Variants in ATIC observed in about 807,000 individuals in gnomAD.
ATIC encodes the protein bifunctional purine biosynthesis protein ATIC.
ATIC carries 64 observed loss-of-function variants against 72.5 expected under a neutral mutation model. That is an observed-to-expected ratio of 0.88 (90% CI 0.72 to 1.09). The LOEUF is 1.09. ATIC is among the 50% of genes least tolerant of loss of function. The pLI is 0.00. For synonymous variants in ATIC, 281 were observed against 267.1 expected, an observed-to-expected ratio of 1.05 and a Z score of -0.51; for missense variants, 787 against 732.4, an observed-to-expected ratio of 1.07 and a Z score of -0.86.
chr2:215,330,901 T>G (rs760490627), intron 7 of ATIC, among the ~76,000 whole-genome samples: 7 of 152,154 alleles, frequency 4.6e-5, no homozygotes, highest in Non-Finnish European at 1.0e-4. Flanking sequence ...TCATACAGTA[T>G]GGAGCCCTTT....
At chr2:215,351,472 T>C (rs1575128638), downstream of ATIC, among the ~76,000 whole-genome samples, 1 of 152,162 alleles carries the variant, frequency 6.6e-6, no homozygotes, top group East Asian at 1.9e-4. Context: ...GGTATGATAA[T>C]GGGAACAGGC....
chr2:215,362,111 GT>G, the ATIC span: 1 of 1,513,334 alleles, frequency 6.6e-7, no homozygotes, highest in Non-Finnish European at 9.2e-7. Flanking sequence ...GTCAAATGGG[GT>G]TTATGATAAC....
At chr2:215,337,072 AGTT>A (rs1218265960) in intron 11 of ATIC, among the ~76,000 whole-genome samples, 1 of 125,938 alleles carries the variant, frequency 7.9e-6, no homozygotes, top group Non-Finnish European at 1.6e-5. Context: ...TTTTCTACTA[AGTT>A]GTTGTTGGCT....
rs777578156 is a variant in ATIC, at chr2:215,319,672, A to G, written c.231A>G (p.Leu77=). 1.1e-5 allele frequency: 17 copies of G among 1,609,708 alleles called. No homozygotes were observed. The highest frequency in any genetic ancestry group is 1.4e-5 in the Non-Finnish European group (17 of 1,176,136). Residue 77 remains leucine, a synonymous_variant, in exon 4 of 16, where the codon CTA becomes CTG. Transcript: ENST00000236959. ...TLHPAVHAGI[L]ARNIPEDNAD... is the part of the protein sequence containing the mutation. ...TTAACTTTTTTAAATTAGGAATCCT[A>G]GCTCGTAATATTCCAGAAGATAATG...
chr2:215,330,118 A>C (rs953162103), intron 7 of ATIC, among the ~76,000 whole-genome samples: 1 of 152,172 alleles, frequency 6.6e-6, no homozygotes, highest in African/African-American at 2.4e-5. Context: ...CCACTTATCA[A>C]CCTTAGCCTA....
chr2:215,339,661 G>A (rs1234255462), intron 12 of ATIC, among the ~76,000 whole-genome samples: 15 of 152,140 alleles, frequency 9.9e-5, no homozygotes, highest in Middle Eastern at 3.4e-3. Flanking sequence ...CTGAGACAGA[G>A]TCTTGCTCTG....
intron 12 of ATIC, among the ~76,000 whole-genome samples, chr2:215,339,388 C>T (rs958330341): frequency 5.3e-5 from 8 of 152,046 alleles, no homozygotes; most frequent in African/African-American, 1.7e-4. Context: ...GTGGTAGCTG[C>T]GCCTGTAGGT....
At position 215,312,530 on chromosome 2, in the gene ATIC, G is replaced by C. The variant is rs748851562; in HGVS notation, c.52G>C (p.Val18Leu). ...LFSVSDKTGL[V>L]EFARNLTALG... is the part of the protein sequence containing the mutation. Reference sequence around the variant, plus strand: ...TAGTGTCTCTGACAAAACCGGCCTTGTGGAATTTGCAAGAAACCTGACCGC... The same window carrying C: ...TAGTGTCTCTGACAAAACCGGCCTTCTGGAATTTGCAAGAAACCTGACCGC... Residue 18 changes from valine (V) to leucine (L), a missense_variant, in exon 2 of 16, where the codon GTG (valine) becomes CTG (leucine). Val to Leu is a conservative substitution (Grantham distance 32). Transcript: ENST00000236959. The C allele has an allele frequency of 4.8e-5, 77 of 1,614,230 alleles. 2 individuals are homozygous for C. The South Asian group carries it at 8.3e-4, about 17-fold the overall frequency.
At position 215,338,799 on chromosome 2, in the gene ATIC, A is replaced by C. The variant is rs1290305850; in HGVS notation, c.1119A>C (p.Pro373=). The part of the protein sequence containing the change: ...CVLQMDQSYK[P]DENEVRTLFG... ...TTTAGATGGACCAATCTTACAAACC[A>C]GATGAAAATGAAGTTCGAACTCTCT... is the stretch of plus-strand genomic sequence containing the variant. Residue 373 remains proline, a synonymous_variant, in exon 12 of 16, where the codon CCA becomes CCC. Transcript: ENST00000236959. 2 of 1,613,828 alleles carry C rather than the reference A, an allele frequency of 1.2e-6. No homozygotes were observed.
intron 2 of ATIC, among the ~76,000 whole-genome samples, chr2:215,315,132 C>A (rs2052695067): frequency 6.6e-6 from 1 of 152,134 alleles, no homozygotes; most frequent in African/African-American, 2.4e-5. Context: ...TCTCCACCCC[C>A]TAAGGATCTC....
chr2:215,343,641 C>CAA (rs1397750941), intron 12 of ATIC, among the ~76,000 whole-genome samples: 1 of 152,018 alleles, frequency 6.6e-6, no homozygotes, highest in African/African-American at 2.4e-5. Flanking sequence ...TGTCCTGTTA[C>CAA]AGAGTTTTTA....
At chr2:215,317,152 C>G (rs928366237) in intron 2 of ATIC, among the ~76,000 whole-genome samples, 2 of 152,184 alleles carry the variant, frequency 1.3e-5, no homozygotes. Flanking sequence ...TTACGACTTT[C>G]TAGGGGTCTG....
At chr2:215,366,193 C>T in the ATIC span, among the ~76,000 whole-genome samples, 2 of 151,884 alleles carry the variant, frequency 1.3e-5, no homozygotes, top group African/African-American at 2.4e-5. Context: ...TTTTAAGACC[C>T]AATTTATTCT....
At chr2:215,353,027 G>GA (rs1261338442), downstream of ATIC, among the ~76,000 whole-genome samples, 1 of 152,186 alleles carries the variant, frequency 6.6e-6, no homozygotes, top group Non-Finnish European at 1.5e-5. Context: ...TTCCCTCCAT[G>GA]AGGATGAGTT....
Position 215,332,477 on chromosome 2 carries a change from G to A in ATIC, c.784G>A (p.Ala262Thr), listed in dbSNP as rs150438200. Reference protein sequence around the residue: ...ELKEALGIPAAASFKHVSPAG... With the variant: ...ELKEALGIPATASFKHVSPAG... ...CAAGGAGGCTTTAGGTATTCCAGCC[G>A]CTGCCTCTTTCAAACATGTCAGCCC... Residue 262 changes from alanine to threonine, a missense_variant, in exon 8 of 16, where the codon GCT becomes ACT. Transcript: ENST00000236959. The A allele has an allele frequency of 8.7e-6, 14 of 1,613,986 alleles. No individual in the cohort carries two copies. The highest frequency in any genetic ancestry group is 1.6e-4 in the Middle Eastern group (1 of 6,084).
intron 5 of ATIC, among the ~76,000 whole-genome samples, 198 bp from the exon 6 acceptor site, chr2:215,325,789 C>CCAGGA (rs1265325513): frequency 2.6e-5 from 4 of 152,126 alleles, no homozygotes; most frequent in Non-Finnish European, 5.9e-5. Context: ...TGGTCTCGAA[C>CCAGGA]TCCTGACCTC....
At chr2:215,312,193 T>A in intron 1 of ATIC, 32 bp downstream of exon 1, 2 of 1,491,924 alleles carry the variant, frequency 1.3e-6, no homozygotes, top group Non-Finnish European at 1.8e-6. Context: ...GCGGTCTGCG[T>A]CCTCGCCTGC....
At chr2:215,317,238 A>C (rs1030432572) in intron 2 of ATIC, among the ~76,000 whole-genome samples, 3 of 151,956 alleles carry the variant, frequency 2.0e-5, no homozygotes, top group African/African-American at 7.3e-5. Context: ...TTTCTAGTTT[A>C]CTTTTTTTTC....
chr2:215,349,856 G>A, downstream of ATIC: 2 of 944,988 alleles, frequency 2.1e-6, no homozygotes, highest in Non-Finnish European at 3.1e-6. Context: ...GAATTCCAGA[G>A]CACCCCTGCC....
Sources: gnomAD v4.1 joint callset for allele counts (sites outside exome capture counted in the v4.1 genomes callset) on GRCh38, gnomAD v4.1.1 for gene constraint, MANE v1.5 for transcripts, NCBI Gene and HGNC (gene_info 2026-07-23, HGNC 2026-07-21) for gene names.